ABCC8: variants seen among roughly 807,000 people sequenced by gnomAD.
ABCC8 encodes ATP-binding cassette sub-family C member 8.
ABCC8 carries 137 observed loss-of-function variants against 188.0 expected under a neutral mutation model. The ratio of observed to expected loss-of-function variants is 0.73; its 90% CI spans 0.63 to 0.84. ABCC8 has a LOEUF of 0.84. ABCC8 is among the 40% of genes least tolerant of loss of function. The pLI, the probability that ABCC8 is intolerant of heterozygous loss-of-function variation, is 0.00. For synonymous variants in ABCC8, 797 were observed against 846.5 expected, an observed-to-expected ratio of 0.94 and a Z score of 1.01; for missense variants, 1,750 against 2,072.7, an observed-to-expected ratio of 0.84 and a Z score of 3.02.
At position 17,463,531 on chromosome 11, in the gene ABCC8, G is replaced by A. The variant is rs149872185; in HGVS notation, c.486C>T (p.Ile162=). 6.5e-5 allele frequency: 104 copies of A among 1,598,312 alleles called. No homozygotes were observed. The African/African-American group carries it at 1.3e-3, about 20-fold the overall frequency. ...GGCAGAAGCGTAGCTGCGAGAAGCCGATGGCGTGGTCCAAGAACTTGACAA... is the reference window on the plus strand; with the variant it reads ...GGCAGAAGCGTAGCTGCGAGAAGCCAATGGCGTGGTCCAAGAACTTGACAA... ...IKFVKFLDHA[I]GFSQLRFCLT... The change falls in exon 4 of 39, where the codon ATC becomes ATT. Residue 162 remains isoleucine, a synonymous_variant. Coordinates refer to ENST00000389817, the MANE Select transcript of ABCC8 (RefSeq NM_000352.6).
At chr11:17,392,783 G>A (rs1953694425), downstream of ABCC8, 2 of 640,222 alleles carry the variant, frequency 3.1e-6, no homozygotes, top group African/African-American at 1.8e-5. Flanking sequence ...TAAGGAAGCA[G>A]GCTTTTGCTC....
intron 33 of ABCC8, chr11:17,396,174 G>T (rs1174078630): frequency 1.1e-6 from 1 of 913,412 alleles, no homozygotes; most frequent in East Asian, 2.9e-5. Context: ...CTGGGCCTTG[G>T]TGTGGGTCTG....
rs781059815 is a variant in ABCC8 at position 17,476,758 on chromosome 11, C to G, written c.19G>C (p.Gly7Arg). The G allele has an allele frequency of 3.8e-6, 6 of 1,586,264 alleles. No homozygotes were observed. Among genetic ancestry groups the G allele is most frequent in the South Asian group, 2.3e-5 (2 of 87,570 alleles). The change falls in exon 1 of 39, where the codon GGC becomes CGC. Residue 7 changes from glycine to arginine, a missense_variant. By Grantham distance (125) the Gly-to-Arg change is moderately radical. Coordinates refer to ENST00000389817, the MANE Select transcript of ABCC8 (RefSeq NM_000352.6). ...TAGGCGGCCGAGTGGTTCTCGCTGC[C>G]GCAGAAGGCCAGGGGCATGGCGGCG... MPLAFC[G>R]SENHSAAYRV...
chr11:17,438,412 C>T (rs142827293), intron 10 of ABCC8, among the ~76,000 whole-genome samples: 1 of 152,214 alleles, frequency 6.6e-6, no homozygotes, highest in African/African-American at 2.4e-5. Flanking sequence ...ATCAATCTCC[C>T]ACAAGACTGG....
chr11:17,475,159 C>G lies in ABCC8; in HGVS notation c.149-132G>C. 6 of 1,372,020 alleles carry G rather than the reference C, an allele frequency of 4.4e-6. No homozygotes were observed. The South Asian group carries it at 7.6e-5, about 17-fold the overall frequency. 85.0% of individuals were successfully genotyped at this position (1,372,020 alleles called of 1,614,324 possible). A position where few individuals can be genotyped will look rare whatever the true frequency, so the allele number is the denominator to read the frequency against. ...CACCTACACATGAGGATCCCCAAGG[C>G]TGGTACACACAAACTAAACGTCCAA... On this transcript the variant is annotated intron_variant, in intron 1 of 38. Transcript: ENST00000389817.
chr11:17,407,732 A>G (rs1954612988), intron 23 of ABCC8, among the ~76,000 whole-genome samples: 1 of 152,220 alleles, frequency 6.6e-6, no homozygotes, highest in Admixed American at 6.5e-5. Flanking sequence ...CACGTGACCC[A>G]GGACAGGCCA....
At chr11:17,412,897 C>G in intron 20 of ABCC8, 151 bp from the exon 21 acceptor site, 2 of 1,489,120 alleles carry the variant, frequency 1.3e-6, no homozygotes, top group Middle Eastern at 1.7e-4. Context: ...GGAACTTGCA[C>G]GTGTTTACTG....
chr11:17,404,564 GC>G lies in ABCC8; in HGVS notation c.3504del (p.Leu1168PhefsTer40), dbSNP rs1564889286. The G allele has an allele frequency of 6.2e-7, 1 of 1,613,978 alleles. No homozygotes were observed. Among genetic ancestry groups the G allele is most frequent in the East Asian group, 2.2e-5 (1 of 44,878 alleles). On this transcript the variant is annotated frameshift_variant, in exon 28 of 39. Coordinates refer to ENST00000389817, the MANE Select transcript of ABCC8 (RefSeq NM_000352.6). LOFTEE classifies it high-confidence loss of function. The surrounding 1 kb of genome is among the most constrained non-coding windows in gnomAD (Gnocchi z 4.7). ...ATGAAGTAGCACACGATGGCCAGGG[GC>G]AAGAGGGCCACGAGGAACACAGGTG... ...YVTPVFLVAL[L>X]PLAIVCYFIQ... is the part of the protein sequence containing the mutation.
chr11:17,410,310 G>T, intron 22 of ABCC8: 1 of 590,948 alleles, frequency 1.7e-6, no homozygotes, highest in Non-Finnish European at 3.0e-6. Context: ...GATGGGGAGT[G>T]TCTGTGGGTC....
intron 8 of ABCC8, among the ~76,000 whole-genome samples, chr11:17,447,728 T>C (rs1019457043): frequency 4.6e-5 from 7 of 152,204 alleles, no homozygotes; most frequent in Non-Finnish European, 7.4e-5. Flanking sequence ...AGCCTCTGAG[T>C]AGCTGGGGCT....
chr11:17,456,912 G>A (rs376673213), intron 6 of ABCC8, among the ~76,000 whole-genome samples: 1 of 152,230 alleles, frequency 6.6e-6, no homozygotes, highest in Admixed American at 6.5e-5. Context: ...GTCAGGCAGT[G>A]GGCTGAGTGC....
rs1237448996 is a variant in ABCC8, at chr11:17,420,251, A to G, written c.2223-3289T>C. Among the ~76,000 whole-genome samples the G allele has an allele frequency of 3.3e-5, 5 of 152,294 alleles. 1 individual carries two copies. Among genetic ancestry groups the G allele is most frequent in the African/African-American group, 1.2e-4 (5 of 41,566 alleles). The stretch of plus-strand genomic sequence containing the variant: ...CACAGCATCCTTTCCAATTGATGTC[A>G]TTGGGTCCCATTGCCAAATCTCTGA... On this transcript the variant is annotated intron_variant, in intron 16 of 38. Transcript: ENST00000389817.
chr11:17,470,000 T>C (rs1466338443), intron 3 of ABCC8, 101 bp downstream of exon 3: 7 of 1,464,828 alleles, frequency 4.8e-6, no homozygotes, highest in Non-Finnish European at 6.7e-6. Context: ...ATTCCAAATC[T>C]CTACTGTTTA....
chr11:17,413,533 G>A lies in ABCC8; in HGVS notation c.2391-55C>T, dbSNP rs948329140. The A allele has an allele frequency of 1.6e-5, 26 of 1,612,254 alleles. No individual in the cohort carries two copies. The African/African-American group carries it at 2.0e-4, about 12-fold the overall frequency. ...TGGTCAGCCTGGTCAGAGTTGGCCC[G>A]AGCACTTGCAGAGGGTCATTAGTCT... On this transcript the variant is annotated intron_variant, in intron 19 of 38. Coordinates refer to ENST00000389817, the MANE Select transcript of ABCC8 (RefSeq NM_000352.6).
chr11:17,474,403 G>T (rs1024361623), intron 2 of ABCC8, among the ~76,000 whole-genome samples: 1 of 152,176 alleles, frequency 6.6e-6, no homozygotes, highest in Non-Finnish European at 1.5e-5. Context: ...CCAAACGGAA[G>T]GTGGGCATGG....
At position 17,461,716 on chromosome 11, in the gene ABCC8, T is replaced by C. The variant is rs140476117; in HGVS notation, c.689A>G (p.Tyr230Cys). ...CTTGATGAAGGCGTTCATCCACCAGTAGGTGCCTTTGGACAGCAGATTCAC... is the reference window on the plus strand; with the variant it reads ...CTTGATGAAGGCGTTCATCCACCAGCAGGTGCCTTTGGACAGCAGATTCAC... Reference protein sequence around the residue: ...PFVNLLSKGTYWWMNAFIKTA... With the variant: ...PFVNLLSKGTCWWMNAFIKTA... Residue 230 changes from tyrosine (Y) to cysteine (C), a missense_variant, in exon 5 of 39, where the codon TAC (tyrosine) becomes TGC (cysteine). Transcript: ENST00000389817. The C allele has an allele frequency of 5.4e-5, 87 of 1,614,060 alleles. No homozygotes were observed. The highest frequency in any genetic ancestry group is 6.7e-5 in the Non-Finnish European group (79 of 1,180,044).
chr11:17,413,636 G>C, intron 19 of ABCC8, 158 bp from the exon 20 acceptor site: 1 of 1,454,022 alleles, frequency 6.9e-7, no homozygotes, highest in Admixed American at 1.9e-5. Flanking sequence ...GTGTGAGCTT[G>C]AAAAGAGCTG....
rs765985092 is a variant in ABCC8 at position 17,427,970 on chromosome 11, G to GA, written c.2041-29dup. 5 of 1,609,818 alleles carry GA rather than the reference G, an allele frequency of 3.1e-6. No individual in the cohort carries two copies. The African/African-American group carries it at 6.7e-5, about 22-fold the overall frequency. The stretch of plus-strand genomic sequence containing the variant: ...TCATTAGGCGTGTCCCACCGCCCAG[G>GA]AGAGAACAGAAAGGCAGCCAGTTCC... On this transcript the variant is annotated intron_variant, in intron 14 of 38. Coordinates refer to ENST00000389817, the MANE Select transcript of ABCC8 (RefSeq NM_000352.6). The surrounding 1 kb of genome is among the most constrained non-coding windows in gnomAD (Gnocchi z 5.0).
chr11:17,434,559 C>T (rs1368899188), intron 10 of ABCC8, among the ~76,000 whole-genome samples: 2 of 152,142 alleles, frequency 1.3e-5, no homozygotes, highest in Non-Finnish European at 2.9e-5. Context: ...TGGAAATGTC[C>T]AACAAGAGGG....
Sources: allele counts gnomAD v4.1 joint callset (sites outside exome capture counted in the v4.1 genomes callset), GRCh38; gene constraint gnomAD v4.1.1; non-coding constraint Gnocchi (gnomAD v3.1); transcripts MANE v1.5; gene names NCBI Gene and HGNC (gene_info 2026-07-23, HGNC 2026-07-21).